Variants in ME3 observed in about 807,000 individuals in gnomAD.
ME3 encodes malic enzyme 3.
In ME3, 48 loss-of-function variants were observed where a neutral mutation model predicts 68.9. That is an observed-to-expected ratio of 0.70 (90% confidence interval 0.55 to 0.89). ME3 has a LOEUF of 0.89. Among genes scored for constraint, ME3 ranks in the 40% least tolerant of loss-of-function variants. ME3 has a pLI of 0.00. For synonymous variants in ME3, 320 were observed against 318.8 expected, an observed-to-expected ratio of 1.00 and a Z score of -0.04; for missense variants, 675 against 797.4, an observed-to-expected ratio of 0.85 and a Z score of 1.85.
At chr11:86,528,518 TA>T (rs2139245556) in intron 4 of ME3, among the ~76,000 whole-genome samples, 1 of 152,176 alleles carries the variant, frequency 6.6e-6, no homozygotes, top group East Asian at 1.9e-4. Flanking sequence ...AATAGACATC[TA>T]CAGAACTCTC....
intron 2 of ME3, among the ~76,000 whole-genome samples, chr11:86,605,321 G>T (rs1223716480): frequency 1.3e-5 from 2 of 152,196 alleles, no homozygotes; most frequent in Non-Finnish European, 2.9e-5. Flanking sequence ...CCTCCTCAGG[G>T]CATCTGCACA....
Position 86,490,785 on chromosome 11 carries a change from T to C in ME3, c.706-3345A>G, listed in dbSNP as rs566752149. 2.6e-5 allele frequency among the ~76,000 whole-genome samples: 4 copies of C among 152,346 alleles called. No individual in the cohort carries two copies. In the South Asian group the frequency reaches 8.3e-4, roughly 32 times the overall value. On this transcript the variant is annotated intron_variant, in intron 6 of 14. Transcript: ENST00000543262. ...GATTAAAAGGGTCCATGGTGAGTTA[T>C]AATTTGGAATGTTGCCAAGTCACAG... is the stretch of plus-strand genomic sequence containing the variant.
chr11:86,560,484 C>G (rs944353328), intron 2 of ME3, among the ~76,000 whole-genome samples: 4 of 151,936 alleles, frequency 2.6e-5, no homozygotes, highest in African/African-American at 9.7e-5. Context: ...CGGACTAATA[C>G]AAACAGTATT....
rs576768808 is a variant in ME3, at chr11:86,598,131, G to A, written c.184-38308C>T. ...GGGTGCAGTGCACCATGCGCCAGCC[G>A]AAGCAGGGCAAGGCAGTGCCTCACT... is the stretch of plus-strand genomic sequence containing the variant. On this transcript the variant is annotated intron_variant, in intron 2 of 14. Transcript: ENST00000543262. Among the ~76,000 whole-genome samples the A allele has an allele frequency of 1.2e-4, 19 of 152,296 alleles. 1 individual carries two copies. The highest frequency in any genetic ancestry group is 8.3e-4 in the South Asian group (4 of 4,828).
chr11:86,498,988 T>C (rs1052918866), intron 5 of ME3, among the ~76,000 whole-genome samples: 2 of 152,002 alleles, frequency 1.3e-5, no homozygotes, highest in African/African-American at 4.8e-5. Flanking sequence ...ATGGAATGTA[T>C]ATATTAATAA....
At chr11:86,582,831 AC>A (rs1958519367) in intron 2 of ME3, among the ~76,000 whole-genome samples, 2 of 151,742 alleles carry the variant, frequency 1.3e-5, no homozygotes, top group African/African-American at 4.8e-5. Context: ...CAGTTGCCTC[AC>A]CTGCACACAA....
intron 4 of ME3, among the ~76,000 whole-genome samples, chr11:86,524,804 T>C (rs1354226677): frequency 1.3e-5 from 2 of 152,188 alleles, no homozygotes; most frequent in African/African-American, 4.8e-5. Flanking sequence ...AAGAGACAGC[T>C]AAGTGCCTGG....
chr11:86,591,131 AG>A (rs1449048659), intron 2 of ME3, among the ~76,000 whole-genome samples: 1 of 152,176 alleles, frequency 6.6e-6, no homozygotes, highest in Non-Finnish European at 1.5e-5. Context: ...TGGAATCCTA[AG>A]GGTCAATAAG....
At chr11:86,494,225 A>T (rs1952175738) in intron 6 of ME3, among the ~76,000 whole-genome samples, 1 of 152,172 alleles carries the variant, frequency 6.6e-6, no homozygotes, top group Admixed American at 6.5e-5. Flanking sequence ...AGGATGGTGT[A>T]AACAGCATTG....
chr11:86,505,090 G>C (rs1431796272), intron 5 of ME3, among the ~76,000 whole-genome samples: 1 of 152,212 alleles, frequency 6.6e-6, no homozygotes, highest in African/African-American at 2.4e-5. Context: ...TAGTGAAGAA[G>C]AGGTTCTGCA....
chr11:86,450,082 C>T (rs1949546603), intron 9 of ME3, 80 bp from the exon 10 acceptor site: 5 of 1,226,988 alleles, frequency 4.1e-6, no homozygotes, highest in African/African-American at 3.0e-5. Context: ...GCCATAAGGA[C>T]CCCCTTTTCT....
Position 86,656,604 on chromosome 11 carries a change from G to A in ME3, c.183+15158C>T, listed in dbSNP as rs189259091. On this transcript the variant is annotated intron_variant, in intron 2 of 14. Coordinates refer to ENST00000543262, the Ensembl canonical transcript of ME3. ...CACACACCAAGGCCTGTTTTGGGGT[G>A]GGGGGAGGGGGGAGAGATAGCATTA... Among the ~76,000 whole-genome samples the A allele has an allele frequency of 8.5e-3, 1,115 of 131,262 alleles. 18 individuals carry two copies. The highest frequency in any genetic ancestry group is 0.029 in the African/African-American group (1,044 of 35,662). The allele number at this position is 131,262 out of a possible 152,430, so 86.1% of individuals were successfully genotyped here.
intron 13 of ME3, among the ~76,000 whole-genome samples, chr11:86,444,937 G>C (rs1949199054): frequency 6.6e-6 from 1 of 152,164 alleles, no homozygotes; most frequent in East Asian, 1.9e-4. Context: ...ATCCAGGAGA[G>C]GTTCCTGTGT....
At chr11:86,606,326 G>T (rs1325886364) in intron 2 of ME3, among the ~76,000 whole-genome samples, 2 of 152,162 alleles carry the variant, frequency 1.3e-5, no homozygotes, top group Non-Finnish European at 2.9e-5. Context: ...GCCATACTGT[G>T]CTGAGCTGCA....
At chr11:86,441,137 G>A (rs894905641) in exon 15 of ME3, 6 of 782,990 alleles carry the variant, frequency 7.7e-6, no homozygotes, top group Admixed American at 3.6e-5. Flanking sequence ...TTCACTGTAT[G>A]CCTTGGCATC....
At chr11:86,607,064 C>CA (rs1240712405) in intron 2 of ME3, among the ~76,000 whole-genome samples, 1 of 152,072 alleles carries the variant, frequency 6.6e-6, no homozygotes, top group African/African-American at 2.4e-5. Flanking sequence ...TTGTTGTTGT[C>CA]ACTGTTGTTG....
At chr11:86,668,488 G>C (rs768306606) in intron 2 of ME3, among the ~76,000 whole-genome samples, 1 of 152,168 alleles carries the variant, frequency 6.6e-6, no homozygotes, top group African/African-American at 2.4e-5. Context: ...TTCCAGACTA[G>C]ATCATCTCTG....
At chr11:86,649,121 T>A (rs946662458) in intron 2 of ME3, among the ~76,000 whole-genome samples, 2 of 152,212 alleles carry the variant, frequency 1.3e-5, no homozygotes, top group African/African-American at 2.4e-5. Context: ...TCAGCCACCA[T>A]CAACTTGGCT....
chr11:86,667,475 G>T (rs1946653226), intron 2 of ME3, among the ~76,000 whole-genome samples: 1 of 152,232 alleles, frequency 6.6e-6, no homozygotes, highest in Non-Finnish European at 1.5e-5. Context: ...GGGCTGTGAA[G>T]TAGTGACATT....
Sources: gnomAD v4.1 joint callset for allele counts (sites outside exome capture counted in the v4.1 genomes callset) on GRCh38, gnomAD v4.1.1 for gene constraint, MANE v1.5 for transcripts, NCBI Gene and HGNC (gene_info 2026-07-23, HGNC 2026-07-21) for gene names.